The following EEFSEC variants were observed in gnomAD, a reference collection of about 807,000 sequenced individuals.
The protein encoded by EEFSEC is eukaryotic elongation factor, selenocysteine-tRNA specific, also known as selenocysteine-specific elongation factor.
EEFSEC carries 43 observed loss-of-function variants against 42.1 expected under a neutral mutation model. The observed-to-expected ratio is 1.02, with a 90% confidence interval of 0.80 to 1.32. The LOEUF is 1.32. Ranked by LOEUF, EEFSEC falls within the 40% of genes most tolerant of loss-of-function variation. The pLI is 0.00. For synonymous variants in EEFSEC, 354 were observed against 339.1 expected (o/e 1.04, Z -0.48); for missense variants, 745 against 803.6 (o/e 0.93, Z 0.88).
chr3:128,184,081 G>A (rs891517859), intron 1 of EEFSEC, among the ~76,000 whole-genome samples: 1 of 152,102 alleles, frequency 6.6e-6, no homozygotes, highest in African/African-American at 2.4e-5. Context: ...ACAATTCCTA[G>A]ATTTGATTGA....
chr3:128,358,625 C>G (rs1345681162), intron 6 of EEFSEC, among the ~76,000 whole-genome samples: 4 of 152,136 alleles, frequency 2.6e-5, no homozygotes. Flanking sequence ...CCCACTGCAC[C>G]ATTTACCATC....
intron 1 of EEFSEC, among the ~76,000 whole-genome samples, chr3:128,241,874 T>C (rs2066075101): frequency 1.3e-5 from 2 of 152,340 alleles, no homozygotes; most frequent in South Asian, 4.1e-4. Context: ...CGTCCTTGTA[T>C]AAGATGAGGA....
At chr3:128,381,929 C>G (rs963741937) in intron 6 of EEFSEC, among the ~76,000 whole-genome samples, 1 of 152,122 alleles carries the variant, frequency 6.6e-6, no homozygotes, top group Non-Finnish European at 1.5e-5. Context: ...CAGCAGGGAG[C>G]AGGGGGAAGA....
chr3:128,194,221 G>A (rs899093229), intron 1 of EEFSEC, among the ~76,000 whole-genome samples: 1 of 152,222 alleles, frequency 6.6e-6, no homozygotes, highest in Non-Finnish European at 1.5e-5. Flanking sequence ...GCTGGGAGGT[G>A]TCTGAGCCTC....
At chr3:128,229,353 G>A (rs558833579) in intron 1 of EEFSEC, among the ~76,000 whole-genome samples, 4 of 152,312 alleles carry the variant, frequency 2.6e-5, no homozygotes, top group Admixed American at 1.3e-4. Context: ...AGGGGCAAGG[G>A]CTGAGTGAGA....
At chr3:128,170,142 C>G (rs987522865) in intron 1 of EEFSEC, among the ~76,000 whole-genome samples, 4 of 152,168 alleles carry the variant, frequency 2.6e-5, no homozygotes, top group Non-Finnish European at 4.4e-5. Flanking sequence ...CCCCCCGCCC[C>G]GCCTCCCCCG....
At chr3:128,386,777 T>A (rs1051289680) in intron 6 of EEFSEC, among the ~76,000 whole-genome samples, 4 of 152,072 alleles carry the variant, frequency 2.6e-5, no homozygotes, top group African/African-American at 9.7e-5. Context: ...GGTGCCAGGC[T>A]CCTTTAAACA....
rs2067003731 is a variant in EEFSEC, at chr3:128,321,149, G to T, written c.787-20084G>T. On this transcript the variant is annotated intron_variant, in intron 4 of 6. Transcript: ENST00000254730. The stretch of plus-strand genomic sequence containing the variant: ...TGGAGCTTCAGAGAGACTGGGAGAG[G>T]CAGGGTCAGGCAGGCCAAGGTGGGA... Among the ~76,000 whole-genome samples, 8 of 152,292 alleles carry T rather than the reference G, an allele frequency of 5.3e-5. No homozygotes were observed. In the South Asian group the frequency reaches 1.7e-3, roughly 32 times the overall value.
chr3:128,415,970 C>G, the EEFSEC span, among the ~76,000 whole-genome samples: 1 of 152,216 alleles, frequency 6.6e-6, no homozygotes, highest in East Asian at 1.9e-4. Flanking sequence ...GAAGGACTAG[C>G]CCAAGCCTGC....
chr3:128,420,814 G>A, the EEFSEC span, among the ~76,000 whole-genome samples: 5 of 152,106 alleles, frequency 3.3e-5, no homozygotes, highest in Non-Finnish European at 7.4e-5. Flanking sequence ...ACACACTGGA[G>A]TCTAGCAGGG....
At chr3:128,340,709 G>T (rs1290165551) in intron 4 of EEFSEC, among the ~76,000 whole-genome samples, 1 of 152,184 alleles carries the variant, frequency 6.6e-6, no homozygotes, top group African/African-American at 2.4e-5. Context: ...AAGGAGTCAG[G>T]GTCAAGTTCT....
intron 4 of EEFSEC, among the ~76,000 whole-genome samples, chr3:128,306,497 A>G (rs2066828837): frequency 6.6e-6 from 1 of 152,164 alleles, no homozygotes; most frequent in South Asian, 2.1e-4. Context: ...TTGGCAATCC[A>G]GTTTTCTATT....
intron 4 of EEFSEC, among the ~76,000 whole-genome samples, chr3:128,286,086 G>C (rs1035205141): frequency 6.6e-6 from 1 of 152,230 alleles, no homozygotes; most frequent in Admixed American, 6.5e-5. Flanking sequence ...CCTATGCCAA[G>C]CTTGCTCTTC....
At chr3:128,295,166 C>T (rs2066689616) in intron 4 of EEFSEC, among the ~76,000 whole-genome samples, 1 of 152,198 alleles carries the variant, frequency 6.6e-6, no homozygotes, top group Admixed American at 6.5e-5. Flanking sequence ...TGATTCCAGG[C>T]ACCCCCAAAA....
chr3:128,297,057 C>G (rs1163783787), intron 4 of EEFSEC, among the ~76,000 whole-genome samples: 1 of 152,136 alleles, frequency 6.6e-6, no homozygotes, highest in Admixed American at 6.5e-5. Context: ...TGAGTACCCA[C>G]TGATGAGTTA....
chr3:128,417,929 C>A, the EEFSEC span, among the ~76,000 whole-genome samples: 1 of 152,068 alleles, frequency 6.6e-6, no homozygotes, highest in Non-Finnish European at 1.5e-5. The surrounding 1 kb of genome is among the most constrained non-coding windows in gnomAD (Gnocchi z 4.3). Flanking sequence ...TCTCAGCCCC[C>A]AGCCAGGACC....
At chr3:128,155,610 C>G (rs1313061969) in intron 1 of EEFSEC, among the ~76,000 whole-genome samples, 1 of 152,168 alleles carries the variant, frequency 6.6e-6, no homozygotes, top group African/African-American at 2.4e-5. Context: ...CTTTCTGTTC[C>G]CATTTTCTTG....
At chr3:128,320,228 G>T (rs1193252313) in intron 4 of EEFSEC, among the ~76,000 whole-genome samples, 3 of 152,208 alleles carry the variant, frequency 2.0e-5, no homozygotes, top group Non-Finnish European at 4.4e-5. Context: ...AGGGCACTGG[G>T]GCAGAGCGCC....
At chr3:128,223,179 C>T (rs563896306) in intron 1 of EEFSEC, among the ~76,000 whole-genome samples, 2 of 152,322 alleles carry the variant, frequency 1.3e-5, no homozygotes, top group African/African-American at 4.8e-5. Context: ...CATTGATATG[C>T]CCAGAGGGTG....
Sources: allele counts gnomAD v4.1 joint callset (sites outside exome capture counted in the v4.1 genomes callset), GRCh38; gene constraint gnomAD v4.1.1; non-coding constraint Gnocchi (gnomAD v3.1); transcripts MANE v1.5; gene names NCBI Gene and HGNC (gene_info 2026-07-23, HGNC 2026-07-21).